ZBTB20: variants seen among roughly 807,000 people sequenced by gnomAD.
ZBTB20 encodes the protein zinc finger and BTB domain-containing protein 20.
ZBTB20 carries 9 observed loss-of-function variants against 56.9 expected under a neutral mutation model. The ratio of observed to expected loss-of-function variants is 0.16; its 90% confidence interval spans 0.10 to 0.28. The LOEUF (loss-of-function observed/expected upper bound fraction) is 0.28. Among genes scored for constraint, ZBTB20 ranks in the 10% least tolerant of loss-of-function variants. The pLI, the probability that ZBTB20 is intolerant of heterozygous loss-of-function variation, is 1.00. For synonymous variants in ZBTB20, 417 were observed against 420.7 expected (o/e 0.99, Z 0.11); for missense variants, 655 against 1,003.0 (o/e 0.65, Z 4.69).
At chr3:114,864,659 A>G (rs1422484530) in intron 4 of ZBTB20, among the ~76,000 whole-genome samples, 2 of 152,130 alleles carry the variant, frequency 1.3e-5, no homozygotes, top group African/African-American at 2.4e-5. Context: ...TGCTTTGAGA[A>G]GACTCCAAAT....
At chr3:114,483,121 T>C in intron 7 of ZBTB20, among the ~76,000 whole-genome samples, 1 of 152,182 alleles carries the variant, frequency 6.6e-6, no homozygotes, top group East Asian at 1.9e-4. Flanking sequence ...TACTTTCTCA[T>C]TGTGGTTCTA....
At chr3:114,927,600 T>C (rs920844113) in intron 3 of ZBTB20, among the ~76,000 whole-genome samples, 1 of 152,162 alleles carries the variant, frequency 6.6e-6, no homozygotes, top group African/African-American at 2.4e-5. Context: ...TCCACAGTTA[T>C]GCCAAGATTT....
chr3:114,841,272 A>G (rs896563845), intron 4 of ZBTB20, among the ~76,000 whole-genome samples: 4 of 152,212 alleles, frequency 2.6e-5, no homozygotes, highest in Non-Finnish European at 5.9e-5. Context: ...AGTGGAGGTG[A>G]GCACATGGGG....
intron 4 of ZBTB20, among the ~76,000 whole-genome samples, chr3:114,831,866 C>A (rs1248315438): frequency 6.6e-5 from 10 of 152,018 alleles, no homozygotes; most frequent in Admixed American, 6.6e-4. Context: ...ACCTCTGCCT[C>A]TAAAATGATA....
chr3:114,469,955 G>C (rs879633650), intron 7 of ZBTB20, among the ~76,000 whole-genome samples: 2 of 151,940 alleles, frequency 1.3e-5, no homozygotes, highest in African/African-American at 2.4e-5. Flanking sequence ...ATGGAACGAA[G>C]GTCAAAATTA....
At chr3:115,004,097 C>A (rs888002847) in intron 2 of ZBTB20, among the ~76,000 whole-genome samples, 1 of 151,610 alleles carries the variant, frequency 6.6e-6, no homozygotes, top group African/African-American at 2.4e-5. Flanking sequence ...CACTTGAGAT[C>A]TCTGCAGAAT....
chr3:114,896,181 A>T (rs901392785), intron 4 of ZBTB20, among the ~76,000 whole-genome samples: 2 of 152,174 alleles, frequency 1.3e-5, no homozygotes, highest in African/African-American at 4.8e-5. Context: ...ATTTAAATGA[A>T]ATTAATCTTA....
At chr3:114,836,132 T>C (rs1283417780) in intron 4 of ZBTB20, among the ~76,000 whole-genome samples, 2 of 152,216 alleles carry the variant, frequency 1.3e-5, no homozygotes, top group East Asian at 3.8e-4. Flanking sequence ...TTAGAAGCTA[T>C]AACAAAGTCT....
Position 115,048,017 on chromosome 3 carries a change from G to C in ZBTB20, c.-507+23202C>G, listed in dbSNP as rs544372203. Among the ~76,000 whole-genome samples the C allele has an allele frequency of 1.6e-4, 25 of 151,712 alleles. No individual in the cohort carries two copies. In the South Asian group the frequency reaches 5.2e-3, roughly 32 times the overall value. Reference sequence around the variant, plus strand: ...AGGCAGAACACGAGGTCAGGAGATCGAGACCATCCTGGCTAACACGGTGAA... The same window carrying C: ...AGGCAGAACACGAGGTCAGGAGATCCAGACCATCCTGGCTAACACGGTGAA... On this transcript the variant is annotated intron_variant, in intron 2 of 11. Transcript: ENST00000675478.
intron 6 of ZBTB20, among the ~76,000 whole-genome samples, chr3:114,655,975 C>CGG (rs2108036391): frequency 6.6e-6 from 1 of 152,234 alleles, no homozygotes; most frequent in Admixed American, 6.5e-5. Context: ...TGTCATTTCC[C>CGG]TTCACCCTGA....
intron 4 of ZBTB20, among the ~76,000 whole-genome samples, chr3:114,834,285 T>C (rs1298537178): frequency 1.3e-5 from 2 of 152,160 alleles, no homozygotes; most frequent in Non-Finnish European, 2.9e-5. Flanking sequence ...ATTCATGGCT[T>C]ATAACTGCTC....
At chr3:114,778,567 C>T (rs1473390099) in intron 5 of ZBTB20, among the ~76,000 whole-genome samples, 1 of 151,976 alleles carries the variant, frequency 6.6e-6, no homozygotes, top group Non-Finnish European at 1.5e-5. Flanking sequence ...CATTAATCTT[C>T]GTAATCACCA....
At chr3:114,706,540 C>A (rs940858006) in intron 5 of ZBTB20, among the ~76,000 whole-genome samples, 3 of 152,132 alleles carry the variant, frequency 2.0e-5, no homozygotes, top group Non-Finnish European at 4.4e-5. Flanking sequence ...TGATTGCTGG[C>A]ACTCTCATTT....
chr3:114,653,996 C>T (rs959187356), intron 6 of ZBTB20, among the ~76,000 whole-genome samples: 1 of 151,750 alleles, frequency 6.6e-6, no homozygotes, highest in Non-Finnish European at 1.5e-5. Context: ...TTTGTATCAT[C>T]TCTTTTTTCT....
chr3:115,007,271 C>T (rs998525958), intron 2 of ZBTB20, among the ~76,000 whole-genome samples: 5 of 151,380 alleles, frequency 3.3e-5, no homozygotes, highest in Admixed American at 6.6e-5. Flanking sequence ...TACTTGTCCT[C>T]TATATATTTT....
At chr3:114,616,181 C>G (rs1393097434) in intron 6 of ZBTB20, among the ~76,000 whole-genome samples, 1 of 152,150 alleles carries the variant, frequency 6.6e-6, no homozygotes, top group Non-Finnish European at 1.5e-5. Context: ...TCAATTCTAC[C>G]ATAATTTACA....
chr3:115,123,636 C>G (rs1164803471), intron 1 of ZBTB20, among the ~76,000 whole-genome samples: 1 of 152,160 alleles, frequency 6.6e-6, no homozygotes, highest in Non-Finnish European at 1.5e-5. Flanking sequence ...CTAAATATGA[C>G]CTAAGACCTG....
intron 1 of ZBTB20, among the ~76,000 whole-genome samples, chr3:115,124,303 T>C (rs542436418): frequency 2.6e-5 from 4 of 152,238 alleles, no homozygotes; most frequent in Non-Finnish European, 5.9e-5. Context: ...TTGAATATTA[T>C]AAGGTTGCCA....
chr3:114,971,946 G>A (rs748608959), intron 3 of ZBTB20, among the ~76,000 whole-genome samples: 17 of 152,168 alleles, frequency 1.1e-4, no homozygotes, highest in Non-Finnish European at 2.2e-4. Flanking sequence ...ATAAAACCTA[G>A]AGCCAGCTAA....
Sources: allele counts gnomAD v4.1 joint callset (sites outside exome capture counted in the v4.1 genomes callset), GRCh38; gene constraint gnomAD v4.1.1; transcripts MANE v1.5; gene names NCBI Gene and HGNC (gene_info 2026-07-23, HGNC 2026-07-21).